Variants in TSC22D1 observed in about 807,000 individuals in gnomAD.
TSC22D1 encodes TSC22 domain family protein 1.
TSC22D1 carries 9 observed loss-of-function variants against 74.2 expected under a neutral mutation model. The ratio of observed to expected loss-of-function variants is 0.12; its 90% CI spans 0.07 to 0.21. The LOEUF is 0.21. Ranked by LOEUF, TSC22D1 falls within the 10% of genes least tolerant of loss-of-function variation. TSC22D1 has a pLI of 1.00. For synonymous variants in TSC22D1, 586 were observed against 492.5 expected (o/e 1.19, Z -2.51); for missense variants, 1,427 against 1,304.7 (o/e 1.09, Z -1.44).
At chr13:44,520,995 A>T (rs1443261054) in intron 1 of TSC22D1, among the ~76,000 whole-genome samples, 1 of 152,174 alleles carries the variant, frequency 6.6e-6, no homozygotes, top group Non-Finnish European at 1.5e-5. Flanking sequence ...GTCCCTTTGC[A>T]GATGAGGAAA....
At chr13:44,536,641 G>T in intron 1 of TSC22D1, 2 of 746,612 alleles carry the variant, frequency 2.7e-6, no homozygotes, top group Non-Finnish European at 3.3e-6. Flanking sequence ...TAAAGGAACT[G>T]TTTTTGGATG....
intron 1 of TSC22D1, chr13:44,516,364 C>A (rs760419645): frequency 1.5e-5 from 7 of 460,630 alleles, no homozygotes; most frequent in African/African-American, 6.2e-5. Flanking sequence ...AAAACAAATT[C>A]TCTTAATAGT....
intron 1 of TSC22D1, among the ~76,000 whole-genome samples, chr13:44,512,836 G>T (rs1879800840): frequency 6.6e-6 from 1 of 152,186 alleles, no homozygotes; most frequent in East Asian, 1.9e-4. Flanking sequence ...TTTTAGTAGA[G>T]ACAGGGTTTC....
At chr13:44,435,123 G>C (rs2138842551) in intron 2 of TSC22D1, 1 of 431,074 alleles carries the variant, frequency 2.3e-6, no homozygotes, top group East Asian at 4.2e-5. Context: ...GGCCAGAAAC[G>C]CCCAAGTAAG....
At chr13:44,461,011 TC>T (rs960577864) in intron 1 of TSC22D1, among the ~76,000 whole-genome samples, 9 of 152,320 alleles carry the variant, frequency 5.9e-5, no homozygotes, top group African/African-American at 2.2e-4. Context: ...AAAACAGCTT[TC>T]TTGTTATAAA....
chr13:44,494,975 A>G (rs957208236), intron 1 of TSC22D1, among the ~76,000 whole-genome samples: 2 of 152,206 alleles, frequency 1.3e-5, no homozygotes, highest in Non-Finnish European at 2.9e-5. Context: ...CTGAAATGAA[A>G]ATTGCACTAG....
At chr13:44,500,620 T>C (rs1879182689) in intron 1 of TSC22D1, among the ~76,000 whole-genome samples, 1 of 152,206 alleles carries the variant, frequency 6.6e-6, no homozygotes, top group Non-Finnish European at 1.5e-5. Context: ...ATTATAATCT[T>C]GACCAAAAGA....
intron 1 of TSC22D1, among the ~76,000 whole-genome samples, chr13:44,564,115 TTC>T (rs1278465480): frequency 6.6e-6 from 1 of 152,132 alleles, no homozygotes. Context: ...AACTTTATCT[TTC>T]TGTTTTTAAA....
chr13:44,436,486 A>G (rs764422955), intron 1 of TSC22D1: 1 of 1,610,652 alleles, frequency 6.2e-7, no homozygotes, highest in Admixed American at 1.7e-5. Context: ...TAAAGAAACT[A>G]TCTTAGCCGA....
intron 1 of TSC22D1, among the ~76,000 whole-genome samples, chr13:44,518,815 G>A (rs1051880983): frequency 2.0e-5 from 3 of 152,196 alleles, no homozygotes; most frequent in Non-Finnish European, 4.4e-5. Flanking sequence ...TGTTCAAGTT[G>A]AGGTTTTTAA....
chr13:44,509,405 AAGGC>A lies in TSC22D1; in HGVS notation c.2912+63754_2912+63757del, dbSNP rs372480563. ...TGTAATCCCAGCACTTTGGGAGGCC[AAGGC>A]AGGCAGATCACTTGAGGTCAGGAGT... On this transcript the variant is annotated intron_variant, in intron 1 of 2. Coordinates refer to ENST00000458659, the MANE Select transcript of TSC22D1 (RefSeq NM_183422.4). Among the ~76,000 whole-genome samples the A allele has an allele frequency of 8.5e-5, 13 of 152,270 alleles. No homozygotes were observed. In the East Asian group the frequency reaches 2.3e-3, roughly 27 times the overall value.
intron 1 of TSC22D1, among the ~76,000 whole-genome samples, chr13:44,454,838 C>T (rs1876440944): frequency 7.5e-6 from 1 of 132,900 alleles, no homozygotes; most frequent in Non-Finnish European, 1.7e-5. Flanking sequence ...GCAAAAAATA[C>T]TTCTGCACTC....
chr13:44,536,072 T>C (rs1014772095), intron 1 of TSC22D1, among the ~76,000 whole-genome samples: 3 of 151,886 alleles, frequency 2.0e-5, no homozygotes, highest in Non-Finnish European at 3.0e-5. Flanking sequence ...GAATCTTTAC[T>C]TTTTTTCCAA....
At chr13:44,457,926 T>C (rs930753503) in intron 1 of TSC22D1, among the ~76,000 whole-genome samples, 4 of 152,230 alleles carry the variant, frequency 2.6e-5, no homozygotes, top group Admixed American at 6.5e-5. Context: ...GAAATAGTTA[T>C]CTATTACACA....
chr13:44,449,738 A>G (rs1354705103), intron 1 of TSC22D1, among the ~76,000 whole-genome samples: 1 of 152,232 alleles, frequency 6.6e-6, no homozygotes, highest in East Asian at 1.9e-4. Context: ...AAAATTTACA[A>G]TGAGAATGAG....
At chr13:44,435,437 T>TA (rs1461215458) in intron 2 of TSC22D1, among the ~76,000 whole-genome samples, 1 of 152,150 alleles carries the variant, frequency 6.6e-6, no homozygotes, top group Non-Finnish European at 1.5e-5. Context: ...AGAGTTTGCC[T>TA]AGCAACAGTG....
At chr13:44,505,966 G>T (rs561129270) in intron 1 of TSC22D1, among the ~76,000 whole-genome samples, 1 of 152,222 alleles carries the variant, frequency 6.6e-6, no homozygotes, top group South Asian at 2.1e-4. Flanking sequence ...TAACAGCTCT[G>T]TGAAATAGGT....
At chr13:44,497,846 T>G (rs1414648699) in intron 1 of TSC22D1, among the ~76,000 whole-genome samples, 1 of 152,166 alleles carries the variant, frequency 6.6e-6, no homozygotes, top group African/African-American at 2.4e-5. Context: ...GCTGCCAGAT[T>G]CACCTTTCTA....
At chr13:44,552,443 T>C (rs1052884609) in intron 1 of TSC22D1, among the ~76,000 whole-genome samples, 1 of 152,152 alleles carries the variant, frequency 6.6e-6, no homozygotes. Context: ...ATTTATGAAG[T>C]TAACTAGTTC....
Sources: gnomAD v4.1 joint callset for allele counts (sites outside exome capture counted in the v4.1 genomes callset) on GRCh38, gnomAD v4.1.1 for gene constraint, MANE v1.5 for transcripts, NCBI Gene and HGNC (gene_info 2026-07-23, HGNC 2026-07-21) for gene names.